The following DTNB variants were observed in gnomAD, a reference collection of about 807,000 sequenced individuals.
DTNB encodes the protein dystrobrevin beta, also known as DTN-B.
In DTNB, 63 loss-of-function variants were observed where a neutral mutation model predicts 90.7. The observed-to-expected ratio is 0.69, with a 90% CI of 0.57 to 0.86. The LOEUF is 0.86. Ranked by LOEUF, DTNB falls within the 40% of genes least tolerant of loss-of-function variation. The pLI is 0.00. For missense variants in DTNB, 744 were observed against 807.1 expected (o/e 0.92, Z 0.95); for synonymous variants, 277 against 286.7 (o/e 0.97, Z 0.34).
At chr2:25,459,483 A>G (rs2060592727) in intron 10 of DTNB, among the ~76,000 whole-genome samples, 1 of 151,934 alleles carries the variant, frequency 6.6e-6, no homozygotes, top group Non-Finnish European at 1.5e-5. Context: ...GAGGTGACAT[A>G]TGGTTTTATT....
chr2:25,559,499 G>A (rs539893086), intron 8 of DTNB, among the ~76,000 whole-genome samples: 7 of 152,234 alleles, frequency 4.6e-5, no homozygotes, highest in South Asian at 4.1e-4. Flanking sequence ...TTTGAATGTC[G>A]TATAATCAGA....
chr2:25,641,820 A>G (rs1445319237), intron 2 of DTNB, among the ~76,000 whole-genome samples: 1 of 152,150 alleles, frequency 6.6e-6, no homozygotes, highest in Non-Finnish European at 1.5e-5. Context: ...GATCAACTTC[A>G]AAGTCTTTTT....
chr2:25,380,797 G>A (rs2037462854), intron 19 of DTNB, among the ~76,000 whole-genome samples: 1 of 144,094 alleles, frequency 6.9e-6, no homozygotes. Flanking sequence ...AGTCTGATGT[G>A]GACAGTGGAG....
intron 3 of DTNB, among the ~76,000 whole-genome samples, chr2:25,635,314 C>G (rs1573814606): frequency 6.6e-6 from 1 of 152,016 alleles, no homozygotes; most frequent in Non-Finnish European, 1.5e-5. Context: ...GCCTGTAGTT[C>G]CAGCTACTGG....
chr2:25,671,354 G>A (rs926763306), intron 1 of DTNB, among the ~76,000 whole-genome samples: 1 of 152,084 alleles, frequency 6.6e-6, no homozygotes, highest in African/African-American at 2.4e-5. Context: ...TCAACTATAC[G>A]TCAAAAAGTT....
chr2:25,458,927 G>A (rs946583350), intron 10 of DTNB, among the ~76,000 whole-genome samples: 7 of 152,112 alleles, frequency 4.6e-5, no homozygotes, highest in Non-Finnish European at 7.4e-5. Flanking sequence ...TTACAGGCAT[G>A]AGCCACCATG....
At chr2:25,663,037 T>C (rs987458872) in intron 1 of DTNB, among the ~76,000 whole-genome samples, 1 of 152,128 alleles carries the variant, frequency 6.6e-6, no homozygotes, top group Non-Finnish European at 1.5e-5. Context: ...GCATTAGGTA[T>C]TTGTCCTAAT....
At chr2:25,638,971 G>A (rs750724334) in intron 3 of DTNB, 43 bp downstream of exon 3, 1 of 1,482,192 alleles carries the variant, frequency 6.7e-7, no homozygotes, top group African/African-American at 1.4e-5. Flanking sequence ...CTAATATTGA[G>A]AACTCTATCC....
chr2:25,435,446 A>G (rs545642879), intron 12 of DTNB, among the ~76,000 whole-genome samples: 65 of 152,190 alleles, frequency 4.3e-4, no homozygotes, highest in Non-Finnish European at 7.3e-4. Flanking sequence ...ATCCATCTCT[A>G]TGAATTTGCC....
chr2:25,429,732 G>A (rs905036715), intron 14 of DTNB, among the ~76,000 whole-genome samples: 7 of 152,068 alleles, frequency 4.6e-5, no homozygotes, highest in African/African-American at 1.7e-4. Flanking sequence ...AACATCTACT[G>A]AACTTACCAA....
intron 5 of DTNB, among the ~76,000 whole-genome samples, chr2:25,603,052 C>G (rs531160470): frequency 6.6e-6 from 1 of 152,256 alleles, no homozygotes; most frequent in South Asian, 2.1e-4. Flanking sequence ...TTTTTAAAGC[C>G]TTCCTGATAC....
At chr2:25,468,942 T>G (rs186089642) in intron 10 of DTNB, among the ~76,000 whole-genome samples, 2 of 152,184 alleles carry the variant, frequency 1.3e-5, no homozygotes, top group East Asian at 1.9e-4. Context: ...TGACACAGAG[T>G]GGCCAAATAG....
intron 3 of DTNB, among the ~76,000 whole-genome samples, chr2:25,633,446 G>A (rs966641402): frequency 1.3e-5 from 2 of 152,136 alleles, no homozygotes; most frequent in Admixed American, 6.5e-5. Context: ...GATTGCAGAC[G>A]GAGTCTGGTT....
intron 4 of DTNB, among the ~76,000 whole-genome samples, chr2:25,626,005 C>G (rs1010954409): frequency 6.6e-6 from 1 of 152,122 alleles, no homozygotes; most frequent in African/African-American, 2.4e-5. Context: ...AGGCCCTCCC[C>G]ACACACAGAA....
intron 1 of DTNB, among the ~76,000 whole-genome samples, chr2:25,666,760 G>A (rs935779032): frequency 3.3e-5 from 5 of 152,076 alleles, no homozygotes; most frequent in Non-Finnish European, 7.4e-5. Context: ...TGCTGGATCC[G>A]GAGTCTAGAC....
At chr2:25,533,934 TTTTATTTTTA>T (rs1324328829) in intron 8 of DTNB, among the ~76,000 whole-genome samples, 1 of 151,564 alleles carries the variant, frequency 6.6e-6, no homozygotes, top group Non-Finnish European at 1.5e-5. Flanking sequence ...CAATTTTTAT[TTTTATTTTTA>T]TTTATTTATT....
intron 9 of DTNB, among the ~76,000 whole-genome samples, chr2:25,512,629 A>C (rs1220755653): frequency 2.0e-5 from 3 of 152,218 alleles, no homozygotes; most frequent in Non-Finnish European, 2.9e-5. Flanking sequence ...TAGGAATGCA[A>C]AGAAGAGATC....
In DTNB at chr2:25,541,776, A is replaced by G. The variant is rs75725611; in HGVS notation, c.877-10179T>C. 2.1e-3 allele frequency among the ~76,000 whole-genome samples: 317 copies of G among 152,318 alleles called. 2 individuals are homozygous for G. Among genetic ancestry groups the G allele is most frequent in the African/African-American group, 7.3e-3 (303 of 41,572 alleles). ...TTTCAATTCTTTTGGTTATATACCCATAAGTGGAATTGCTGGATTATATGG... is the reference window on the plus strand; with the variant it reads ...TTTCAATTCTTTTGGTTATATACCCGTAAGTGGAATTGCTGGATTATATGG... On this transcript the variant is annotated intron_variant, in intron 8 of 20. Coordinates refer to ENST00000406818, the MANE Select transcript of DTNB (RefSeq NM_021907.5).
chr2:25,549,827 A>C (rs998173306), intron 8 of DTNB, among the ~76,000 whole-genome samples: 4 of 151,962 alleles, frequency 2.6e-5, no homozygotes, highest in Admixed American at 1.3e-4. Flanking sequence ...CACCCGGCTA[A>C]TTTTTGTATT....
Sources: allele counts gnomAD v4.1 joint callset (sites outside exome capture counted in the v4.1 genomes callset), GRCh38; gene constraint gnomAD v4.1.1; transcripts MANE v1.5; gene names NCBI Gene and HGNC (gene_info 2026-07-23, HGNC 2026-07-21).